Variants in EHHADH observed in about 807,000 individuals in gnomAD.
EHHADH encodes the protein enoyl-CoA hydratase and 3-hydroxyacyl CoA dehydrogenase.
Under a neutral mutation model 64.4 loss-of-function variants are expected in EHHADH, and 48 were observed. The observed-to-expected ratio is 0.75, with a 90% CI of 0.59 to 0.95. EHHADH has a LOEUF of 0.95. Ranked by LOEUF, EHHADH falls within the 40% of genes least tolerant of loss-of-function variation. EHHADH has a pLI of 0.00. For missense variants in EHHADH, 854 were observed against 876.6 expected, an observed-to-expected ratio of 0.97 and a Z score of 0.33; for synonymous variants, 308 against 326.7, an observed-to-expected ratio of 0.94 and a Z score of 0.62.
At chr3:185,227,496 C>T (rs915715912) in intron 4 of EHHADH, among the ~76,000 whole-genome samples, 8 of 151,318 alleles carry the variant, frequency 5.3e-5, no homozygotes, top group Non-Finnish European at 8.8e-5. Flanking sequence ...CGCAGCATTG[C>T]ATCCCCGTCT....
At chr3:185,214,309 T>A (rs1343628178) in intron 5 of EHHADH, among the ~76,000 whole-genome samples, 2 of 152,182 alleles carry the variant, frequency 1.3e-5, no homozygotes, top group African/African-American at 4.8e-5. Context: ...CAGAACATGA[T>A]TTGAAACCAG....
At chr3:185,220,115 T>C (rs1247873541) in intron 4 of EHHADH, among the ~76,000 whole-genome samples, 2 of 152,158 alleles carry the variant, frequency 1.3e-5, no homozygotes, top group Non-Finnish European at 2.9e-5. Context: ...GATATTATTA[T>C]AAAAGGATTT....
chr3:185,224,202 G>GA (rs911861719), intron 4 of EHHADH, among the ~76,000 whole-genome samples: 9 of 147,862 alleles, frequency 6.1e-5, no homozygotes, highest in South Asian at 2.1e-4. Context: ...CCCTTTCTTA[G>GA]AAAAAAAAAA....
intron 3 of EHHADH, among the ~76,000 whole-genome samples, chr3:185,234,086 C>G (rs1719216520): frequency 6.6e-6 from 1 of 152,082 alleles, no homozygotes; most frequent in African/African-American, 2.4e-5. Flanking sequence ...TAGTTTACAT[C>G]TGTATACTTT....
intron 5 of EHHADH, among the ~76,000 whole-genome samples, chr3:185,212,501 C>T (rs1314205300): frequency 6.6e-6 from 1 of 152,204 alleles, no homozygotes; most frequent in Non-Finnish European, 1.5e-5. Context: ...TGGAAATTCC[C>T]TTTTCTCCCT....
intron 1 of EHHADH, 36 bp downstream of exon 1, chr3:185,253,913 C>T: frequency 1.2e-6 from 2 of 1,612,098 alleles, no homozygotes. Context: ...CTAAGGCCCG[C>T]ACGGTCCCCG....
intron 2 of EHHADH, among the ~76,000 whole-genome samples, chr3:185,238,239 G>A (rs571277994): frequency 2.0e-5 from 3 of 152,034 alleles, no homozygotes; most frequent in Non-Finnish European, 4.4e-5. Flanking sequence ...GGTATCTTTT[G>A]ATATAATAAT....
In EHHADH at chr3:185,191,547, A is replaced by C. The variant is rs1478346222; in HGVS notation, c.*679T>G. ...TTCAACCATTTCCATATGTAACATC[A>C]CAGAGGCTTGTCATGACAGGAAAAC... On this transcript the variant is annotated 3_prime_UTR_variant, in exon 7 of 7. Coordinates refer to ENST00000231887, the MANE Select transcript of EHHADH (RefSeq NM_001966.4). The C allele has an allele frequency of 2.6e-5, 4 of 152,220 alleles. No individual in the cohort carries two copies. The highest frequency in any genetic ancestry group is 7.2e-5 in the African/African-American group (3 of 41,456). The allele number at this position is 152,220 out of a possible 1,614,324, so 9.4% of individuals were successfully genotyped here.
chr3:185,246,129 A>G, intron 2 of EHHADH: 1 of 1,198,890 alleles, frequency 8.3e-7, no homozygotes, highest in East Asian at 2.3e-5. Flanking sequence ...GTTCTTGAAC[A>G]TCACTTTCAA....
intron 6 of EHHADH, among the ~76,000 whole-genome samples, chr3:185,203,167 T>C (rs1316418180): frequency 6.6e-6 from 1 of 152,148 alleles, no homozygotes; most frequent in African/African-American, 2.4e-5. Context: ...TTTTTTAAAA[T>C]AAATTATACT....
chr3:185,211,515 ACATGCGGTT>A (rs369108251), intron 5 of EHHADH, among the ~76,000 whole-genome samples: 2 of 152,340 alleles, frequency 1.3e-5, no homozygotes, highest in African/African-American at 4.8e-5. Flanking sequence ...GAGAGACTCA[ACATGCGGTT>A]CACGGAAATC....
chr3:185,192,884 A>G lies in EHHADH; in HGVS notation c.1514T>C (p.Val505Ala), dbSNP rs1243037486. Residue 505 changes from valine to alanine, a missense_variant, in exon 7 of 7, where the codon GTA becomes GCA. Val to Ala is a moderately conservative substitution (Grantham distance 64). Coordinates refer to ENST00000231887, the MANE Select transcript of EHHADH (RefSeq NM_001966.4). Reference protein sequence around the residue: ...LLEEGSKPEEVDQVLEEFGFK... With the variant: ...LLEEGSKPEEADQVLEEFGFK... ...ACCAAACTCTTCCAGCACCTGATCTACCTCCTCTGGTTTGCTGCCTTCTTC... is the reference window on the plus strand; with the variant it reads ...ACCAAACTCTTCCAGCACCTGATCTGCCTCCTCTGGTTTGCTGCCTTCTTC... 6.2e-7 allele frequency: 1 copy of G among 1,614,102 alleles called. No homozygotes were observed. The highest frequency in any genetic ancestry group is 8.5e-7 in the Non-Finnish European group (1 of 1,180,022).
chr3:185,204,132 C>CAAAA (rs1220063126), intron 6 of EHHADH, among the ~76,000 whole-genome samples: 8 of 30,520 alleles, frequency 2.6e-4, no homozygotes, highest in Admixed American at 4.1e-4. Context: ...GACTCTGTCT[C>CAAAA]AAAAAAAAAA....
chr3:185,204,448 G>A lies in EHHADH; in HGVS notation c.878C>T (p.Ser293Leu). 6.2e-7 allele frequency: 1 copy of A among 1,612,692 alleles called. No homozygotes were observed. The highest frequency in any genetic ancestry group is 8.5e-7 in the Non-Finnish European group (1 of 1,179,480). Residue 293 changes from serine (S) to leucine (L), a missense_variant, in exon 6 of 7, where the codon TCA becomes TTA. Physicochemically the swap from Ser to Leu is moderately radical, Grantham distance 145. Transcript: ENST00000231887. ...TPSGASWKTA[S>L]ARPVSSVGVV... ...ACCAACTGAGGAGACAGGCCGCGCT[G>A]ATGCTGTTTTCCACGATGCTCCGGA... is the stretch of plus-strand genomic sequence containing the variant.
At position 185,193,325 on chromosome 3, in the gene EHHADH, C is replaced by A. The variant is rs966825486; in HGVS notation, c.1073G>T (p.Trp358Leu). ...ASKMQQSGHP[W>L]SGPKPRLTSS... Reference sequence around the variant, plus strand: ...AGTTAACCTGGGTTTTGGTCCTGACCAAGGGTGGCCGCTCTGTTGCATTTT... The same window carrying A: ...AGTTAACCTGGGTTTTGGTCCTGACAAAGGGTGGCCGCTCTGTTGCATTTT... The change falls in exon 7 of 7, where the codon TGG becomes TTG. Residue 358 changes from tryptophan to leucine, a missense_variant. Transcript: ENST00000231887. 6.2e-7 allele frequency: 1 copy of A among 1,613,306 alleles called. No individual in the cohort carries two copies. The highest frequency in any genetic ancestry group is 1.7e-5 in the Admixed American group (1 of 59,896).
intron 2 of EHHADH, among the ~76,000 whole-genome samples, chr3:185,238,516 A>G (rs975251025): frequency 1.3e-5 from 2 of 152,024 alleles, no homozygotes; most frequent in African/African-American, 4.8e-5. Context: ...TGATGTTGAG[A>G]ATTTTTTCAT....
chr3:185,247,799 A>G (rs1317801447), intron 2 of EHHADH: 1 of 152,212 alleles, frequency 6.6e-6, no homozygotes, highest in African/African-American at 2.4e-5. Flanking sequence ...CATATATGCC[A>G]TTGAATAAAT....
At chr3:185,222,253 C>T (rs554981392) in intron 4 of EHHADH, among the ~76,000 whole-genome samples, 112 of 152,076 alleles carry the variant, frequency 7.4e-4, no homozygotes, top group African/African-American at 2.5e-3. Flanking sequence ...GGGTGTGCCA[C>T]GAGCCTGTGG....
chr3:185,221,432 ACTAT>A (rs1380334623), intron 4 of EHHADH, among the ~76,000 whole-genome samples: 7 of 152,284 alleles, frequency 4.6e-5, no homozygotes, highest in East Asian at 1.9e-4. Context: ...ATAAATTAAA[ACTAT>A]CTAACTTGAT....
Sources: gnomAD v4.1 joint callset for allele counts (sites outside exome capture counted in the v4.1 genomes callset) on GRCh38, gnomAD v4.1.1 for gene constraint, MANE v1.5 for transcripts, NCBI Gene and HGNC (gene_info 2026-07-23, HGNC 2026-07-21) for gene names.